Variants in CCDC102B observed in about 807,000 individuals in gnomAD.
CCDC102B encodes coiled-coil domain containing 102B.
A neutral mutation model predicts 57.4 loss-of-function variants in CCDC102B; 75 were observed. The ratio of observed to expected loss-of-function variants is 1.31; its 90% CI spans 1.08 to 1.58. The LOEUF is 1.58. CCDC102B is among the 40% of genes most tolerant of loss of function. The pLI, the probability that CCDC102B is intolerant of heterozygous loss-of-function variation, is 0.00. For missense variants in CCDC102B, 636 were observed against 582.6 expected (o/e 1.09, Z -0.94); for synonymous variants, 206 against 201.9 (o/e 1.02, Z -0.17).
chr18:68,963,068 T>G (rs972280725), intron 6 of CCDC102B, among the ~76,000 whole-genome samples: 15 of 151,966 alleles, frequency 9.9e-5, no homozygotes, highest in African/African-American at 3.6e-4. Flanking sequence ...CATTCCTTAG[T>G]AGATGATGTA....
intron 4 of CCDC102B, among the ~76,000 whole-genome samples, chr18:68,865,746 T>C (rs1281344638): frequency 3.3e-5 from 5 of 152,204 alleles, no homozygotes; most frequent in Admixed American, 3.3e-4. Flanking sequence ...AGAAATAAAC[T>C]AATCAATGGG....
chr18:68,929,827 A>AAC (rs1251395194), intron 6 of CCDC102B, among the ~76,000 whole-genome samples: 2 of 147,680 alleles, frequency 1.4e-5, no homozygotes, highest in East Asian at 4.2e-4. Context: ...ATATGTATAT[A>AAC]ATACACACAC....
chr18:68,839,041 GT>G, intron 3 of CCDC102B, 115 bp downstream of exon 3: 1 of 880,554 alleles, frequency 1.1e-6, no homozygotes, highest in Non-Finnish European at 1.8e-6. Context: ...TAGTCATTAA[GT>G]TTTAGGATTT....
intron 7 of CCDC102B, among the ~76,000 whole-genome samples, chr18:69,039,827 GAAATTAC>G (rs2052385653): frequency 6.6e-6 from 1 of 150,470 alleles, no homozygotes; most frequent in South Asian, 2.1e-4. Context: ...GAATTTACAG[GAAATTAC>G]AGGAAATTAG....
At chr18:68,973,980 A>G (rs1028171115) in intron 6 of CCDC102B, among the ~76,000 whole-genome samples, 1 of 152,232 alleles carries the variant, frequency 6.6e-6, no homozygotes, top group South Asian at 2.1e-4. Context: ...AAGCTGAGCC[A>G]CTCTCTATAT....
chr18:68,746,854 C>T (rs368015026), intron 2 of CCDC102B, among the ~76,000 whole-genome samples: 10 of 151,916 alleles, frequency 6.6e-5, no homozygotes, highest in East Asian at 3.9e-4. Context: ...ATCATTACCA[C>T]GATCAAGGTA....
chr18:68,729,500 C>T (rs1037869595), intron 2 of CCDC102B, among the ~76,000 whole-genome samples: 5 of 152,118 alleles, frequency 3.3e-5, no homozygotes, highest in South Asian at 2.1e-4. Flanking sequence ...AGCTCAGAAA[C>T]GAATTCAGGC....
rs537091230 is a variant in CCDC102B at position 68,719,820 on chromosome 18, C to T, written c.-67+3226C>T. On this transcript the variant is annotated intron_variant, in intron 2 of 3. Coordinates refer to the CCDC102B transcript ENST00000578970. The stretch of plus-strand genomic sequence containing the variant: ...AAAAATAGGGAACACTCACCAATTT[C>T]TTCAGAGGCTAGTATAAACTTGGTA... Among the ~76,000 whole-genome samples, 43 of 152,310 alleles carry T rather than the reference C, an allele frequency of 2.8e-4. No individual in the cohort carries two copies. In the South Asian group the frequency reaches 5.4e-3, roughly 19 times the overall value.
rs1364877762 is a variant in CCDC102B, at chr18:68,941,115, A to G, written c.1263+43687A>G. Among the ~76,000 whole-genome samples, 3 of 151,150 alleles carry G rather than the reference A, an allele frequency of 2.0e-5. No homozygotes were observed. The East Asian group carries it at 5.8e-4, about 29-fold the overall frequency. On this transcript the variant is annotated intron_variant, in intron 6 of 7. Coordinates refer to ENST00000360242, the MANE Select transcript of CCDC102B (RefSeq NM_024781.3). Reference sequence around the variant, plus strand: ...TTTTTTGCATAAAACTAAAATCACCATGCCTTATATTTAGCATATGTTGTA... The same window carrying G: ...TTTTTTGCATAAAACTAAAATCACCGTGCCTTATATTTAGCATATGTTGTA...
At chr18:68,821,520 T>C (rs1009749239) in intron 1 of CCDC102B, among the ~76,000 whole-genome samples, 2 of 151,748 alleles carry the variant, frequency 1.3e-5, no homozygotes, top group Non-Finnish European at 2.9e-5. Context: ...TAATCAAAAT[T>C]CTTCCCTTTA....
At chr18:69,049,416 T>C (rs2052649433) in intron 7 of CCDC102B, among the ~76,000 whole-genome samples, 1 of 152,140 alleles carries the variant, frequency 6.6e-6, no homozygotes, top group African/African-American at 2.4e-5. Flanking sequence ...ATACTGAAAT[T>C]ATTGGTTTAT....
intron 7 of CCDC102B, among the ~76,000 whole-genome samples, chr18:69,022,539 T>C (rs1156425904): frequency 6.6e-6 from 1 of 152,056 alleles, no homozygotes; most frequent in Non-Finnish European, 1.5e-5. Flanking sequence ...ATATTTTTTT[T>C]TCCTTCTTTT....
chr18:68,911,508 T>G (rs188666142), intron 6 of CCDC102B, among the ~76,000 whole-genome samples: 19 of 151,452 alleles, frequency 1.3e-4, no homozygotes, highest in Admixed American at 1.1e-3. Context: ...ATCCCAGCAC[T>G]TTGGGAGGCC....
rs193110750 is a variant in CCDC102B, at chr18:68,761,959, C to T, written c.-67+45365C>T. ...CTCTTCTTCATTTTAAAAATCTTGG[C>T]GCTAGTTTGTAAGTAATTCCGGTCT... On this transcript the variant is annotated intron_variant, in intron 2 of 3. Coordinates refer to the CCDC102B transcript ENST00000578970. 2.5e-3 allele frequency among the ~76,000 whole-genome samples: 379 copies of T among 151,914 alleles called. 2 individuals carry two copies. The highest frequency in any genetic ancestry group is 8.4e-3 in the African/African-American group (348 of 41,448).
intron 1 of CCDC102B, among the ~76,000 whole-genome samples, chr18:68,808,516 C>T (rs1166029095): frequency 1.8e-5 from 2 of 114,082 alleles, no homozygotes; most frequent in Non-Finnish European, 1.6e-5. Flanking sequence ...CTCGCTCTTT[C>T]GGCCAGGCCG....
chr18:68,948,420 A>G (rs1458474276), intron 6 of CCDC102B, among the ~76,000 whole-genome samples: 3 of 152,158 alleles, frequency 2.0e-5, no homozygotes, highest in Non-Finnish European at 4.4e-5. Context: ...AACACATGCT[A>G]TCTTTATTAT....
At chr18:68,866,088 A>C (rs183559154) in intron 4 of CCDC102B, among the ~76,000 whole-genome samples, 1 of 152,354 alleles carries the variant, frequency 6.6e-6, no homozygotes, top group Non-Finnish European at 1.5e-5. Context: ...TATCTCATTA[A>C]GAGATGAATT....
chr18:69,044,227 T>C (rs1348709122), intron 7 of CCDC102B, among the ~76,000 whole-genome samples: 1 of 152,174 alleles, frequency 6.6e-6, no homozygotes, highest in Admixed American at 6.6e-5. Context: ...TTGTGGAATC[T>C]GTCTGGTTCA....
intron 6 of CCDC102B, among the ~76,000 whole-genome samples, chr18:69,001,471 T>G (rs2051198727): frequency 1.6e-5 from 2 of 123,994 alleles, no homozygotes; most frequent in African/African-American, 2.8e-5. Context: ...GTGAGAAAAA[T>G]GGGTTTTATT....
Sources: gnomAD v4.1 joint callset for allele counts (sites outside exome capture counted in the v4.1 genomes callset) on GRCh38, gnomAD v4.1.1 for gene constraint, MANE v1.5 for transcripts, NCBI Gene and HGNC (gene_info 2026-07-23, HGNC 2026-07-21) for gene names.